The following SPTSSA variants were observed in gnomAD, a reference collection of about 807,000 sequenced individuals.
The protein encoded by SPTSSA is serine palmitoyltransferase small subunit A, also known as small subunit of serine palmitoyltransferase A.
Under a neutral mutation model 9.1 loss-of-function variants are expected in SPTSSA, and 8 were observed. The ratio of observed to expected loss-of-function variants is 0.88; its 90% CI spans 0.51 to 1.58. The LOEUF is 1.58. SPTSSA is among the 40% of genes most tolerant of loss of function. The probability of loss-of-function intolerance (pLI) is 0.00; values close to 1 mark genes in which losing one functional copy is unlikely to be tolerated. For synonymous variants in SPTSSA, 42 were observed against 37.7 expected, an observed-to-expected ratio of 1.11 and a Z score of -0.41; for missense variants, 100 against 93.8, an observed-to-expected ratio of 1.07 and a Z score of -0.27.
At position 34,462,188 on chromosome 14, in the gene SPTSSA, G is replaced by A. The variant is rs769162350; in HGVS notation, c.20C>T (p.Ala7Val). 3.3e-6 allele frequency: 5 copies of A among 1,531,680 alleles called. No individual in the cohort carries two copies. The highest frequency in any genetic ancestry group is 4.4e-6 in the Non-Finnish European group (5 of 1,135,618). 94.9% of individuals were successfully genotyped at this position (1,531,680 alleles called of 1,614,324 possible). Residue 7 changes from alanine (A) to valine (V), a missense_variant, in exon 1 of 2, where the codon GCG becomes GTG. Ala to Val is a moderately conservative substitution (Grantham distance 64). Coordinates refer to ENST00000298130, the MANE Select transcript of SPTSSA (RefSeq NM_138288.4). ...CCAGGACATCTGCTTCCAGGCCCGC[G>A]CCAGCGCCATCCCCGCCATGCGCCT... MAGMAL[A>V]RAWKQMSWFY...
chr14:34,450,385 C>T (rs1490447622), intron 1 of SPTSSA, among the ~76,000 whole-genome samples: 6 of 152,094 alleles, frequency 3.9e-5, no homozygotes, highest in East Asian at 1.9e-4. Flanking sequence ...ACCTGTCAAT[C>T]GTCCATAAAG....
chr14:34,448,877 G>A (rs1883470196), intron 1 of SPTSSA, among the ~76,000 whole-genome samples: 1 of 152,180 alleles, frequency 6.6e-6, no homozygotes, highest in South Asian at 2.1e-4. Context: ...GCACGCACCT[G>A]TAGTCCCAGC....
At chr14:34,458,641 C>G (rs147301045) in intron 1 of SPTSSA, among the ~76,000 whole-genome samples, 2,494 of 141,520 alleles carry the variant, frequency 0.018, 73 homozygotes, top group African/African-American at 0.064. Flanking sequence ...GGACTACAGT[C>G]GTGCGCCACC....
chr14:34,447,796 CTG>C (rs1233533294), intron 1 of SPTSSA, among the ~76,000 whole-genome samples: 3 of 152,242 alleles, frequency 2.0e-5, no homozygotes, highest in Non-Finnish European at 4.4e-5. Flanking sequence ...CTGCAAATCT[CTG>C]TAACAAACAT....
intron 1 of SPTSSA, among the ~76,000 whole-genome samples, chr14:34,455,409 T>C (rs1033359719): frequency 2.0e-5 from 3 of 151,690 alleles, no homozygotes; most frequent in Non-Finnish European, 4.4e-5. Flanking sequence ...AAAAGGAGTA[T>C]ATTTTTTATA....
chr14:34,459,229 T>G (rs920863482), intron 1 of SPTSSA, among the ~76,000 whole-genome samples: 25 of 151,658 alleles, frequency 1.6e-4, no homozygotes, highest in African/African-American at 6.0e-4. Flanking sequence ...GGTCAGGAGT[T>G]TGAGACCAGA....
rs996133320 is a variant in SPTSSA, at chr14:34,433,599, T to C, written c.*1602A>G. The stretch of plus-strand genomic sequence containing the variant: ...ATTGGCTCTAAAAATATTAAACACA[T>C]ATATATTACTTGAGACCTCTAGACT... On this transcript the variant is annotated 3_prime_UTR_variant, in exon 2 of 2. Transcript: ENST00000298130. The C allele has an allele frequency of 6.6e-6, 1 of 152,142 alleles. No homozygotes were observed. Among genetic ancestry groups the C allele is most frequent in the African/African-American group, 2.4e-5 (1 of 41,436 alleles). The allele number at this position is 152,142 out of a possible 1,614,324, so 9.4% of individuals were successfully genotyped here.
chr14:34,444,447 T>G (rs28825399), intron 1 of SPTSSA, among the ~76,000 whole-genome samples: 1 of 152,056 alleles, frequency 6.6e-6, no homozygotes, highest in Admixed American at 6.6e-5. Flanking sequence ...ACGTTTTACA[T>G]TAAAGTTAAA....
chr14:34,457,433 TA>T (rs1480801629), intron 1 of SPTSSA, among the ~76,000 whole-genome samples: 2 of 152,146 alleles, frequency 1.3e-5, no homozygotes, highest in Admixed American at 6.5e-5. Context: ...AAAGGTATGT[TA>T]AAAATGTCTC....
At chr14:34,461,186 T>C (rs777471078) in intron 1 of SPTSSA, among the ~76,000 whole-genome samples, 22 of 152,220 alleles carry the variant, frequency 1.4e-4, no homozygotes, top group Admixed American at 4.6e-4. Flanking sequence ...CTGAGTTTTT[T>C]AAAAGTTACA....
chr14:34,451,996 AG>A (rs1243770093), intron 1 of SPTSSA, among the ~76,000 whole-genome samples: 1 of 152,048 alleles, frequency 6.6e-6, no homozygotes, highest in African/African-American at 2.4e-5. Context: ...AGAAATGTAA[AG>A]AAAGTGCCTA....
At chr14:34,458,998 G>A (rs917473303) in intron 1 of SPTSSA, among the ~76,000 whole-genome samples, 6 of 147,964 alleles carry the variant, frequency 4.1e-5, no homozygotes, top group Non-Finnish European at 8.9e-5. Flanking sequence ...TCCGCCTCCC[G>A]GGTTCAAGCG....
intron 1 of SPTSSA, among the ~76,000 whole-genome samples, chr14:34,442,577 G>C (rs1237736478): frequency 6.6e-6 from 1 of 152,228 alleles, no homozygotes; most frequent in East Asian, 1.9e-4. Flanking sequence ...GCCCTCCTTA[G>C]AATTTACTCT....
intron 1 of SPTSSA, among the ~76,000 whole-genome samples, chr14:34,446,063 G>GT (rs1883414100): frequency 6.6e-6 from 1 of 152,168 alleles, no homozygotes; most frequent in Non-Finnish European, 1.5e-5. Flanking sequence ...GGCTGATGTT[G>GT]TAACAGTAGA....
At position 34,435,200 on chromosome 14, in the gene SPTSSA, G is replaced by A; in HGVS notation, c.*1C>T. On this transcript the variant is annotated 3_prime_UTR_variant, in exon 2 of 2. Coordinates refer to ENST00000298130, the MANE Select transcript of SPTSSA (RefSeq NM_138288.4). ...AACCTCTGATCCTGGTCGCATCTTG[G>A]TCATTGTACGATTTCAAAGTAGTGC... 2 of 1,612,132 alleles carry A rather than the reference G, an allele frequency of 1.2e-6. 1 individual carries two copies. Among genetic ancestry groups the A allele is most frequent in the South Asian group, 2.2e-5 (2 of 90,780 alleles).
Position 34,442,468 on chromosome 14 carries a change from C to T in SPTSSA, c.113-7164G>A, listed in dbSNP as rs568348323. On this transcript the variant is annotated intron_variant, in intron 1 of 1. Coordinates refer to ENST00000298130, the MANE Select transcript of SPTSSA (RefSeq NM_138288.4). Reference sequence around the variant, plus strand: ...CCTAAGGTCAGAGACATCTGGCACTCCAAGATTGGACCCCACAGGAGGTTG... The same window carrying T: ...CCTAAGGTCAGAGACATCTGGCACTTCAAGATTGGACCCCACAGGAGGTTG... Among the ~76,000 whole-genome samples the T allele has an allele frequency of 3.3e-5, 5 of 152,298 alleles. No individual in the cohort carries two copies. The South Asian group carries it at 1.0e-3, about 32-fold the overall frequency.
At chr14:34,453,030 T>C (rs1883555125) in intron 1 of SPTSSA, among the ~76,000 whole-genome samples, 2 of 152,200 alleles carry the variant, frequency 1.3e-5, no homozygotes, top group African/African-American at 2.4e-5. Context: ...CTTATGATTT[T>C]CTTCCCTCTA....
intron 1 of SPTSSA, among the ~76,000 whole-genome samples, chr14:34,458,808 A>G (rs2807767): frequency 0.5 from 75,532 of 151,622 alleles, 20,900 homozygotes; most frequent in African/African-American, 0.76. Flanking sequence ...TTGGGAAGTC[A>G]AGAAGCAAAT....
At chr14:34,446,063 G>T (rs1291978910) in intron 1 of SPTSSA, among the ~76,000 whole-genome samples, 1 of 152,168 alleles carries the variant, frequency 6.6e-6, no homozygotes, top group Admixed American at 6.5e-5. Flanking sequence ...GGCTGATGTT[G>T]TAACAGTAGA....
Sources: allele counts gnomAD v4.1 joint callset (sites outside exome capture counted in the v4.1 genomes callset), GRCh38; gene constraint gnomAD v4.1.1; transcripts MANE v1.5; gene names NCBI Gene and HGNC (gene_info 2026-07-23, HGNC 2026-07-21).